Variants in STK32B observed in about 807,000 individuals in gnomAD.
STK32B encodes serine/threonine-protein kinase 32B.
Under a neutral mutation model 52.6 loss-of-function variants are expected in STK32B, and 43 were observed. The observed-to-expected ratio is 0.82, with a 90% CI of 0.64 to 1.05. The LOEUF (loss-of-function observed/expected upper bound fraction) is 1.05, where lower values mean the gene tolerates loss of function less well. Ranked by LOEUF, STK32B falls within the 50% of genes least tolerant of loss-of-function variation. The probability of loss-of-function intolerance (pLI) is 0.00; values close to 1 mark genes in which losing one functional copy is unlikely to be tolerated. For synonymous variants in STK32B, 238 were observed against 204.3 expected (o/e 1.17, Z -1.41); for missense variants, 621 against 534.6 (o/e 1.16, Z -1.59).
chr4:5,260,105 GCA>G (rs937317320), intron 3 of STK32B, among the ~76,000 whole-genome samples: 65 of 151,852 alleles, frequency 4.3e-4, no homozygotes, highest in Non-Finnish European at 8.5e-4. Flanking sequence ...ACACGTGCAC[GCA>G]CACACACACG....
At chr4:5,316,691 T>C (rs1730841378) in intron 3 of STK32B, among the ~76,000 whole-genome samples, 1 of 1,164 alleles carries the variant, frequency 8.6e-4, no homozygotes, top group Non-Finnish European at 1.0e-3. Context: ...TAATATAATA[T>C]ATATCATATT....
At chr4:5,231,408 C>A (rs570802595) in intron 3 of STK32B, among the ~76,000 whole-genome samples, 1 of 152,042 alleles carries the variant, frequency 6.6e-6, no homozygotes, top group Admixed American at 6.6e-5. Context: ...GCCAGGAGTT[C>A]GAGACCAGCC....
intron 4 of STK32B, among the ~76,000 whole-genome samples, chr4:5,341,946 T>G (rs906514162): frequency 4.6e-5 from 7 of 152,178 alleles, no homozygotes; most frequent in African/African-American, 1.7e-4. Flanking sequence ...GCTGCATCCA[T>G]TAACTCATCA....
chr4:5,331,119 C>G, intron 3 of STK32B, 101 bp from the exon 4 acceptor site: 1 of 1,203,206 alleles, frequency 8.3e-7, no homozygotes, highest in Non-Finnish European at 1.2e-6. Context: ...CAGTGCCTCT[C>G]TCTGAGCCTC....
At chr4:5,415,007 G>A (rs1230721438) in intron 5 of STK32B, among the ~76,000 whole-genome samples, 1 of 152,142 alleles carries the variant, frequency 6.6e-6, no homozygotes, top group African/African-American at 2.4e-5. Context: ...GTGGGTGTGG[G>A]GTACAGCAGT....
rs1463865298 is a variant in STK32B, at chr4:5,316,832, T to A, written c.261-14388T>A. ...ATATTATATATTATATCATATATAT[T>A]ATATATTATATATAATATATTATAT... On this transcript the variant is annotated intron_variant, in intron 3 of 11. Coordinates refer to ENST00000282908, the MANE Select transcript of STK32B (RefSeq NM_018401.3). 8.3e-3 allele frequency among the ~76,000 whole-genome samples: 16 copies of A among 1,924 alleles called. 2 individuals carry two copies. In the East Asian group the frequency reaches 0.15, roughly 18 times the overall value. 1.3% of individuals were successfully genotyped at this position (1,924 alleles called of 152,430 possible).
intron 1 of STK32B, among the ~76,000 whole-genome samples, chr4:5,123,393 G>A (rs116027294): frequency 0.037 from 5,650 of 152,250 alleles, 320 homozygotes; most frequent in African/African-American, 0.13. Flanking sequence ...CCATAACCCG[G>A]GGTCCTGATG....
At chr4:5,277,737 C>G (rs1027758811) in intron 3 of STK32B, among the ~76,000 whole-genome samples, 41 of 152,108 alleles carry the variant, frequency 2.7e-4, no homozygotes, top group Admixed American at 2.5e-3. Flanking sequence ...TCTTTAAGAG[C>G]CTTTACATTT....
At chr4:5,063,512 T>TC in intron 1 of STK32B, among the ~76,000 whole-genome samples, 1 of 151,992 alleles carries the variant, frequency 6.6e-6, no homozygotes, top group Non-Finnish European at 1.5e-5. Context: ...CCAGCTAATT[T>TC]TTGTATTTTT....
chr4:5,497,591 G>A (rs1293063588), intron 11 of STK32B, among the ~76,000 whole-genome samples: 16 of 152,210 alleles, frequency 1.1e-4, no homozygotes. Context: ...AGGGTTGGGG[G>A]AAGGAATGAC....
chr4:5,289,372 A>C (rs1728744235), intron 3 of STK32B, among the ~76,000 whole-genome samples: 1 of 152,210 alleles, frequency 6.6e-6, no homozygotes, highest in Admixed American at 6.5e-5. Flanking sequence ...GTGAGGGTCA[A>C]GGACATTATT....
chr4:5,218,188 G>A (rs922928461), intron 3 of STK32B, among the ~76,000 whole-genome samples: 4 of 152,126 alleles, frequency 2.6e-5, no homozygotes, highest in East Asian at 1.9e-4. Flanking sequence ...GGGCCGGCCA[G>A]ACTCAAAGGG....
At chr4:5,089,884 C>A (rs1712964628) in intron 1 of STK32B, among the ~76,000 whole-genome samples, 1 of 152,210 alleles carries the variant, frequency 6.6e-6, no homozygotes, top group Admixed American at 6.5e-5. Context: ...CTATTGTTTC[C>A]TGACTTTTTA....
At chr4:5,176,849 T>C (rs948414708) in intron 3 of STK32B, among the ~76,000 whole-genome samples, 2 of 152,178 alleles carry the variant, frequency 1.3e-5, no homozygotes, top group African/African-American at 4.8e-5. Flanking sequence ...AAGAAAATTA[T>C]CTGCAAATGT....
intron 3 of STK32B, among the ~76,000 whole-genome samples, chr4:5,187,052 A>G (rs1274585487): frequency 6.6e-6 from 1 of 152,158 alleles, no homozygotes; most frequent in African/African-American, 2.4e-5. Flanking sequence ...ATTGGGGAAA[A>G]CACAGCTGGG....
chr4:5,177,743 A>G (rs1720033573), intron 3 of STK32B, among the ~76,000 whole-genome samples: 1 of 152,240 alleles, frequency 6.6e-6, no homozygotes. Context: ...GGGGGGCTAC[A>G]TGCCCCACAC....
chr4:5,165,841 G>GA (rs1426559880), intron 2 of STK32B, among the ~76,000 whole-genome samples: 1 of 152,158 alleles, frequency 6.6e-6, no homozygotes, highest in African/African-American at 2.4e-5. Context: ...TTACTCTGTG[G>GA]AAAAAACATC....
upstream of STK32B, among the ~76,000 whole-genome samples, chr4:5,047,406 T>G (rs534289995): frequency 6.6e-6 from 1 of 152,128 alleles, no homozygotes; most frequent in Non-Finnish European, 1.5e-5. Flanking sequence ...CCACGGCACA[T>G]GTCTACTTAT....
At chr4:5,113,038 T>C (rs2108803686) in intron 1 of STK32B, among the ~76,000 whole-genome samples, 1 of 152,284 alleles carries the variant, frequency 6.6e-6, no homozygotes, top group African/African-American at 2.4e-5. Context: ...ATGGAGCCTC[T>C]GTCAGCTGGG....
Sources: gnomAD v4.1 joint callset for allele counts (sites outside exome capture counted in the v4.1 genomes callset) on GRCh38, gnomAD v4.1.1 for gene constraint, MANE v1.5 for transcripts, NCBI Gene and HGNC (gene_info 2026-07-23, HGNC 2026-07-21) for gene names.